Variants in VPS41 observed in about 807,000 individuals in gnomAD.
VPS41 encodes the protein VPS41 subunit of HOPS complex, also known as vacuolar protein sorting-associated protein 41 homolog.
In VPS41, 85 loss-of-function variants were observed where a neutral mutation model predicts 130.9. The ratio of observed to expected loss-of-function variants is 0.65; its 90% CI spans 0.55 to 0.78. VPS41 has a LOEUF of 0.78. VPS41 is among the 30% of genes least tolerant of loss of function. The pLI, the probability that VPS41 is intolerant of heterozygous loss-of-function variation, is 0.00. For missense variants in VPS41, 874 were observed against 1,018.7 expected, an observed-to-expected ratio of 0.86 and a Z score of 1.93; for synonymous variants, 335 against 332.9, an observed-to-expected ratio of 1.01 and a Z score of -0.07.
chr7:38,816,521 C>G (rs1439143055), intron 7 of VPS41, among the ~76,000 whole-genome samples: 2 of 152,182 alleles, frequency 1.3e-5, no homozygotes, highest in African/African-American at 4.8e-5. Flanking sequence ...TAGCTATAGA[C>G]TACTTCCTTT....
chr7:38,850,682 C>A (rs1467718769), intron 4 of VPS41, among the ~76,000 whole-genome samples: 3 of 151,934 alleles, frequency 2.0e-5, no homozygotes, highest in African/African-American at 4.8e-5. Flanking sequence ...CATGAGCCAC[C>A]CCTGATCAAT....
intron 22 of VPS41, among the ~76,000 whole-genome samples, chr7:38,749,688 A>C (rs1031484012): frequency 6.6e-6 from 1 of 152,216 alleles, no homozygotes; most frequent in African/African-American, 2.4e-5. Context: ...CTCTTTATAC[A>C]AAACAGGCAG....
At chr7:38,763,407 C>A in intron 17 of VPS41, 48 bp downstream of exon 17, 1 of 1,306,490 alleles carries the variant, frequency 7.7e-7, no homozygotes, top group Non-Finnish European at 1.1e-6. Flanking sequence ...GATTTCCTAA[C>A]ACCTCCCATC....
intron 2 of VPS41, among the ~76,000 whole-genome samples, chr7:38,878,801 G>A (rs778581209): frequency 2.0e-5 from 3 of 152,192 alleles, no homozygotes; most frequent in South Asian, 2.1e-4. Flanking sequence ...GAAGAGCCAC[G>A]AATGACCATT....
intron 4 of VPS41, chr7:38,831,081 CTA>C: frequency 4.9e-6 from 2 of 406,994 alleles, no homozygotes; most frequent in East Asian, 1.4e-4. Context: ...TGTTCAACTT[CTA>C]TAGTCTTTGA....
chr7:38,726,731 C>T (rs553603824), intron 28 of VPS41, among the ~76,000 whole-genome samples, 178 bp downstream of exon 28: 1 of 152,318 alleles, frequency 6.6e-6, no homozygotes, highest in African/African-American at 2.4e-5. Context: ...GTACATAGAA[C>T]ATTTCTAAAT....
intron 2 of VPS41, among the ~76,000 whole-genome samples, chr7:38,874,373 T>C (rs1786443221): frequency 6.6e-6 from 1 of 152,180 alleles, no homozygotes; most frequent in Admixed American, 6.5e-5. Flanking sequence ...ATACTCAATA[T>C]ACTGATTGGG....
intron 2 of VPS41, among the ~76,000 whole-genome samples, chr7:38,895,584 T>C (rs1786967686): frequency 6.6e-6 from 1 of 152,214 alleles, no homozygotes; most frequent in African/African-American, 2.4e-5. Context: ...GGGTGAAGCA[T>C]CTGTGTGGTT....
intron 2 of VPS41, among the ~76,000 whole-genome samples, chr7:38,876,505 G>T (rs1246712714): frequency 6.6e-6 from 1 of 152,070 alleles, no homozygotes; most frequent in East Asian, 1.9e-4. Context: ...ACATCACCCG[G>T]TTGCTGTAAC....
At chr7:38,833,108 T>G (rs1045915432) in intron 4 of VPS41, among the ~76,000 whole-genome samples, 1 of 152,184 alleles carries the variant, frequency 6.6e-6, no homozygotes, top group Non-Finnish European at 1.5e-5. Flanking sequence ...GTCCACTCTA[T>G]ATCTAATCTT....
intron 24 of VPS41, 108 bp downstream of exon 24, chr7:38,743,294 G>T: frequency 8.0e-7 from 1 of 1,249,506 alleles, no homozygotes; most frequent in Non-Finnish European, 1.1e-6. Context: ...TTGTAGGTAC[G>T]CTACCATTTT....
chr7:38,861,553 C>G (rs935579690), intron 4 of VPS41, among the ~76,000 whole-genome samples: 3 of 152,186 alleles, frequency 2.0e-5, no homozygotes, highest in Non-Finnish European at 2.9e-5. Context: ...AAAGATTGTC[C>G]TCGTTCCAGG....
At chr7:38,745,843 C>A in intron 22 of VPS41, 1 of 455,648 alleles carries the variant, frequency 2.2e-6, no homozygotes, top group Non-Finnish European at 3.8e-6. Flanking sequence ...CTACTCAGAA[C>A]ATTTCATGAG....
Position 38,865,893 on chromosome 7 carries a change from A to C in VPS41, c.168+3253T>G, listed in dbSNP as rs113720937. ...TCAGGGTGGGAAGGCCCAAATCATTAAGTCATCAAGAAGCCAATAAAGAAT... is the reference window on the plus strand; with the variant it reads ...TCAGGGTGGGAAGGCCCAAATCATTCAGTCATCAAGAAGCCAATAAAGAAT... On this transcript the variant is annotated intron_variant, in intron 3 of 28. Coordinates refer to ENST00000310301, the MANE Select transcript of VPS41 (RefSeq NM_014396.4). 6.9e-4 allele frequency among the ~76,000 whole-genome samples: 105 copies of C among 152,330 alleles called. 1 individual carries two copies. The highest frequency in any genetic ancestry group is 2.4e-3 in the African/African-American group (98 of 41,582).
intron 5 of VPS41, among the ~76,000 whole-genome samples, chr7:38,824,919 G>A (rs1785241614): frequency 6.6e-6 from 1 of 152,200 alleles, no homozygotes. Flanking sequence ...TAAATGTGTG[G>A]ATAAATACTG....
rs140869930 is a variant in VPS41, at chr7:38,833,916, A to C, written c.247-3588T>G. Among the ~76,000 whole-genome samples the C allele has an allele frequency of 5.6e-3, 858 of 152,288 alleles. 11 individuals are homozygous for C. Among genetic ancestry groups the C allele is most frequent in the African/African-American group, 0.02 (815 of 41,558 alleles). On this transcript the variant is annotated intron_variant, in intron 4 of 28. Coordinates refer to ENST00000310301, the MANE Select transcript of VPS41 (RefSeq NM_014396.4). ...ACAAGTAAATCTTACCCACAAACAT[A>C]AATGAAAAAATCCTAAAGAAACAAT...
At chr7:38,859,036 G>A (rs1786045208) in intron 4 of VPS41, among the ~76,000 whole-genome samples, 1 of 151,984 alleles carries the variant, frequency 6.6e-6, no homozygotes, top group African/African-American at 2.4e-5. Flanking sequence ...CAGTGATATT[G>A]ATGATCCTGG....
chr7:38,807,607 C>G lies in VPS41; in HGVS notation c.450+10210G>C, dbSNP rs183586071. Reference sequence around the variant, plus strand: ...TACCACCATTTCTGAAATCAAGATCCTGTGTACACACAGCACCTAACATGA... The same window carrying G: ...TACCACCATTTCTGAAATCAAGATCGTGTGTACACACAGCACCTAACATGA... On this transcript the variant is annotated intron_variant, in intron 7 of 28. Transcript: ENST00000310301. 6.5e-4 allele frequency among the ~76,000 whole-genome samples: 99 copies of G among 152,284 alleles called. No individual in the cohort carries two copies. The East Asian group carries it at 9.7e-3, about 15-fold the overall frequency.
intron 4 of VPS41, among the ~76,000 whole-genome samples, chr7:38,842,192 G>C (rs553746666): frequency 2.6e-5 from 4 of 152,126 alleles, no homozygotes; most frequent in South Asian, 2.1e-4. Context: ...GCAATCAAAA[G>C]TCACTAAGTC....
Sources: gnomAD v4.1 joint callset for allele counts (sites outside exome capture counted in the v4.1 genomes callset) on GRCh38, gnomAD v4.1.1 for gene constraint, MANE v1.5 for transcripts, NCBI Gene and HGNC (gene_info 2026-07-23, HGNC 2026-07-21) for gene names.